SEPTIN8: variants seen among roughly 807,000 people sequenced by gnomAD.
SEPTIN8 encodes the protein septin-8.
In SEPTIN8, 22 loss-of-function variants were observed where a neutral mutation model predicts 53.1. That is an observed-to-expected ratio of 0.41 (90% CI 0.30 to 0.59). The LOEUF (loss-of-function observed/expected upper bound fraction) is 0.59. Ranked by LOEUF, SEPTIN8 falls within the 20% of genes least tolerant of loss-of-function variation. The probability of loss-of-function intolerance (pLI) is 0.24; values close to 1 mark genes in which losing one functional copy is unlikely to be tolerated. For missense variants in SEPTIN8, 536 were observed against 638.7 expected (o/e 0.84, Z 1.73); for synonymous variants, 228 against 248.4 (o/e 0.92, Z 0.77).
rs1473459115 is a variant in SEPTIN8 at position 132,756,003 on chromosome 5, C to T, written c.1287-3822G>A. 8 of 985,028 alleles carry T rather than the reference C, an allele frequency of 8.1e-6. No individual in the cohort carries two copies. The East Asian group carries it at 6.8e-4, about 84-fold the overall frequency. 61.0% of individuals were successfully genotyped at this position (985,028 alleles called of 1,614,324 possible). On this transcript the variant is annotated intron_variant, in intron 9 of 9. Transcript: ENST00000378719. Reference sequence around the variant, plus strand: ...CTGCCCAAAAAAGACACCACAAAAACTCAAAATAAATGCAAAATTTAATGA... The same window carrying T: ...CTGCCCAAAAAAGACACCACAAAAATTCAAAATAAATGCAAAATTTAATGA...
Position 132,752,068 on chromosome 5 carries a change from T to C in SEPTIN8, c.1400A>G (p.Gln467Arg), listed in dbSNP as rs1581122175. The C allele has an allele frequency of 6.2e-7, 1 of 1,608,978 alleles. No homozygotes were observed. ...LNCSSWWPAI[Q>R]CCSCLVRDAT... ...ATCCCTGACCAGGCAGCTGCAGCAC[T>C]GTATGGCGGGCCACCAGCTGCTGCA... The change falls in exon 10 of 10, where the codon CAG becomes CGG. Residue 467 changes from glutamine (Q) to arginine (R), a missense_variant. Transcript: ENST00000378719.
chr5:132,760,930 T>TTCCTCCACCTTGCGCTTC lies in SEPTIN8; in HGVS notation c.1140_1157dup (p.Lys383_Arg388dup). On this transcript the variant is annotated inframe_insertion, in exon 9 of 10. Transcript: ENST00000378719. The surrounding 1 kb of genome is among the most constrained non-coding windows in gnomAD (Gnocchi z 5.2). ...TCTCCTCCTCCAGTTCCCGGCGCTTTTCCTCCACCTTGCGCTTCTCCTCCT... is the reference window on the plus strand; with the variant it reads ...TCTCCTCCTCCAGTTCCCGGCGCTTTTCCTCCACCTTGCGCTTCTCCTCCACCTTGCGCTTCTCCTCCT... 1 of 1,603,546 alleles carries TTCCTCCACCTTGCGCTTC rather than the reference T, an allele frequency of 6.2e-7. No individual in the cohort carries two copies. Among genetic ancestry groups the TTCCTCCACCTTGCGCTTC allele is most frequent in the Admixed American group, 1.7e-5 (1 of 57,792 alleles).
rs73787067 is a variant in SEPTIN8, at chr5:132,760,786, G to A, written c.1286+16C>T. 2.8e-3 allele frequency: 4,533 copies of A among 1,608,940 alleles called. 114 individuals are homozygous for A. The African/African-American group carries it at 0.051, about 18-fold the overall frequency. ...AGGAGCAAGAGGAGCCAGCGCAGGC[G>A]CAGCCTGCCACCTACTTCTTCTTGT... On this transcript the variant is annotated intron_variant, in intron 9 of 9. Coordinates refer to ENST00000378719, the MANE Select transcript of SEPTIN8 (RefSeq NM_001098811.2). This position sits in a 1 kb window ranked among gnomAD's most constrained non-coding sequence, Gnocchi z 5.2.
At chr5:132,758,045 A>G in intron 9 of SEPTIN8, 1 of 993,742 alleles carries the variant, frequency 1.0e-6, no homozygotes, top group Non-Finnish European at 1.2e-6. Context: ...GGGCACAGAC[A>G]ACAGCTTTGG....
At chr5:132,775,470 C>A (rs902581753) in intron 1 of SEPTIN8, among the ~76,000 whole-genome samples, 1 of 152,200 alleles carries the variant, frequency 6.6e-6, no homozygotes, top group African/African-American at 2.4e-5. Flanking sequence ...CCTCACAATA[C>A]CCCTATGAGG....
chr5:132,762,428 G>A (rs928607161), intron 5 of SEPTIN8, 56 bp downstream of exon 5: 2 of 1,550,122 alleles, frequency 1.3e-6, no homozygotes, highest in Admixed American at 3.4e-5. Context: ...TGTCAGATCT[G>A]TGCCGGCTCC....
At chr5:132,756,771 G>A (rs1561737525) in intron 9 of SEPTIN8, 1 of 985,434 alleles carries the variant, frequency 1.0e-6, no homozygotes, top group Non-Finnish European at 1.2e-6. Flanking sequence ...CACGAGTATG[G>A]CCTTTCAGTA....
At chr5:132,774,907 A>G (rs531342176) in intron 1 of SEPTIN8, among the ~76,000 whole-genome samples, 1 of 152,302 alleles carries the variant, frequency 6.6e-6, no homozygotes, top group South Asian at 2.1e-4. Flanking sequence ...AAAGGCAGAA[A>G]TGATTTTCCC....
intron 1 of SEPTIN8, among the ~76,000 whole-genome samples, chr5:132,774,435 G>A (rs1404542500): frequency 6.6e-6 from 1 of 152,208 alleles, no homozygotes. Flanking sequence ...GTTCCAGTTA[G>A]GAGGAGGGGC....
intron 1 of SEPTIN8, among the ~76,000 whole-genome samples, chr5:132,771,310 A>G (rs966334912): frequency 6.6e-6 from 1 of 152,186 alleles, no homozygotes; most frequent in Admixed American, 6.5e-5. Context: ...GTGGGTAAAT[A>G]AAGACCCCTG....
At chr5:132,768,250 C>T (rs1756827435) in intron 1 of SEPTIN8, among the ~76,000 whole-genome samples, 1 of 152,088 alleles carries the variant, frequency 6.6e-6, no homozygotes, top group South Asian at 2.1e-4. Flanking sequence ...AGGGGCCACA[C>T]ATCTGGGGCA....
At chr5:132,756,164 G>T (rs575090409) in intron 9 of SEPTIN8, 31 of 985,244 alleles carry the variant, frequency 3.1e-5, no homozygotes, top group Non-Finnish European at 3.5e-5. Flanking sequence ...CTCAGGCCTC[G>T]TATCCATGAG....
chr5:132,756,711 G>C, intron 9 of SEPTIN8: 1 of 985,508 alleles, frequency 1.0e-6, no homozygotes. Flanking sequence ...ACACAAGTCT[G>C]TCAAGTGTCC....
chr5:132,758,234 A>T, intron 9 of SEPTIN8: 2 of 1,255,760 alleles, frequency 1.6e-6, no homozygotes, highest in Non-Finnish European at 2.0e-6. Context: ...TTTAGTTTTT[A>T]AAAATCAGGG....
rs1049302919 is a variant in SEPTIN8 at position 132,776,577 on chromosome 5, G to T, written c.30+531C>A. ...CCGGCGTGGGGAGCGGGGCAGAGGG[G>T]AGCGGGGGAGGAAGGAAAAGCAGGC... On this transcript the variant is annotated intron_variant, in intron 1 of 9. Coordinates refer to ENST00000378719, the MANE Select transcript of SEPTIN8 (RefSeq NM_001098811.2). The surrounding 1 kb of genome is among the most constrained non-coding windows in gnomAD (Gnocchi z 4.4). 6.6e-6 allele frequency among the ~76,000 whole-genome samples: 1 copy of T among 152,140 alleles called. No homozygotes were observed. The highest frequency in any genetic ancestry group is 2.4e-5 in the African/African-American group (1 of 41,426).
At chr5:132,770,083 ATATATGTATATATATATGTATATATG>A (rs1757119084) in intron 1 of SEPTIN8, among the ~76,000 whole-genome samples, 1 of 51,378 alleles carries the variant, frequency 1.9e-5, no homozygotes, top group Non-Finnish European at 2.7e-5. Flanking sequence ...ATATATATGT[ATATATGTATATATATATGTATATATG>A]TATATATATA....
At chr5:132,759,015 G>A in intron 9 of SEPTIN8, 1 of 731,534 alleles carries the variant, frequency 1.4e-6, no homozygotes, top group Non-Finnish European at 2.5e-6. Context: ...GATCTGATTG[G>A]GAAGTAATTT....
rs1243546450 is a variant in SEPTIN8 at position 132,769,044 on chromosome 5, C to G, written c.31-3515G>C. Among the ~76,000 whole-genome samples the G allele has an allele frequency of 2.6e-5, 4 of 152,184 alleles. No individual in the cohort carries two copies. In the East Asian group the frequency reaches 7.7e-4, roughly 29 times the overall value. ...GGACAGTGTGGAAGGTAAAACATCTCAGTATTCACAACCAAAGGAAGGAAG... is the reference window on the plus strand; with the variant it reads ...GGACAGTGTGGAAGGTAAAACATCTGAGTATTCACAACCAAAGGAAGGAAG... On this transcript the variant is annotated intron_variant, in intron 1 of 9. Transcript: ENST00000378719.
At chr5:132,756,028 A>T in intron 9 of SEPTIN8, 1 of 985,328 alleles carries the variant, frequency 1.0e-6, no homozygotes, top group Non-Finnish European at 1.2e-6. Context: ...AAATTTAATG[A>T]AAAAAATAAG....
Sources: gnomAD v4.1 joint callset for allele counts (sites outside exome capture counted in the v4.1 genomes callset) on GRCh38, gnomAD v4.1.1 for gene constraint, Gnocchi (gnomAD v3.1) non-coding constraint, MANE v1.5 for transcripts, NCBI Gene and HGNC (gene_info 2026-07-23, HGNC 2026-07-21) for gene names.